SORCS1: variants seen among roughly 807,000 people sequenced by gnomAD.
SORCS1 encodes sortilin related VPS10 domain containing receptor 1.
SORCS1 carries 60 observed loss-of-function variants against 146.1 expected under a neutral mutation model. The ratio of observed to expected loss-of-function variants is 0.41; its 90% confidence interval spans 0.33 to 0.51. The LOEUF is 0.51. SORCS1 is among the 20% of genes least tolerant of loss of function. The pLI is 0.21. For synonymous variants in SORCS1, 637 were observed against 584.0 expected (o/e 1.09, Z -1.31); for missense variants, 1,352 against 1,487.6 (o/e 0.91, Z 1.50).
chr10:107,063,878 T>A (rs1183472718), intron 1 of SORCS1, among the ~76,000 whole-genome samples: 3 of 152,204 alleles, frequency 2.0e-5, no homozygotes. Context: ...ACAGTAACTC[T>A]CTGGCTGCAT....
At chr10:107,146,255 C>CGT (rs548664550) in intron 1 of SORCS1, among the ~76,000 whole-genome samples, 15 of 152,130 alleles carry the variant, frequency 9.9e-5, no homozygotes, top group Non-Finnish European at 2.1e-4. Context: ...GAATCCTAAG[C>CGT]GTTTGTCTCT....
At chr10:106,972,510 C>T (rs1955829636) in intron 1 of SORCS1, among the ~76,000 whole-genome samples, 2 of 151,682 alleles carry the variant, frequency 1.3e-5, no homozygotes, top group East Asian at 3.9e-4. Context: ...CTATCCTTTA[C>T]AGCAATATGT....
intron 2 of SORCS1, among the ~76,000 whole-genome samples, chr10:106,910,913 A>G (rs756385012): frequency 2.0e-5 from 3 of 152,246 alleles, no homozygotes; most frequent in Non-Finnish European, 4.4e-5. Context: ...AAGTAGCAAT[A>G]ACTAACATTT....
intron 20 of SORCS1, among the ~76,000 whole-genome samples, chr10:106,619,006 C>T (rs1341449554): frequency 6.6e-6 from 1 of 152,152 alleles, no homozygotes; most frequent in Non-Finnish European, 1.5e-5. Flanking sequence ...CATTTATTTC[C>T]CATCTTTTCT....
rs148603781 is a variant in SORCS1, at chr10:106,744,136, G to A, written c.960-14022C>T. ...ATTTATTTACTTGACATAGAGTCTC[G>A]CTCTGTCACCCAGGCTGGAGTGCAG... On this transcript the variant is annotated intron_variant, in intron 5 of 25. Coordinates refer to ENST00000263054, the MANE Select transcript of SORCS1 (RefSeq NM_052918.5). Among the ~76,000 whole-genome samples the A allele has an allele frequency of 1.9e-3, 285 of 151,626 alleles. 5 individuals carry two copies. The East Asian group carries it at 0.051, about 27-fold the overall frequency.
chr10:106,976,675 C>T (rs974044126), intron 1 of SORCS1, among the ~76,000 whole-genome samples: 1 of 152,110 alleles, frequency 6.6e-6, no homozygotes, highest in Non-Finnish European at 1.5e-5. Flanking sequence ...GGTATTTGTC[C>T]TAATGCTCTC....
chr10:106,863,997 G>C (rs1564748817), intron 2 of SORCS1, among the ~76,000 whole-genome samples: 1 of 152,120 alleles, frequency 6.6e-6, no homozygotes, highest in East Asian at 1.9e-4. Context: ...GCCAGTAACA[G>C]ATGCTGGAAA....
chr10:106,902,481 T>C (rs1951748114), intron 2 of SORCS1, among the ~76,000 whole-genome samples: 2 of 152,178 alleles, frequency 1.3e-5, no homozygotes, highest in Admixed American at 6.5e-5. Context: ...GTTTGAGATT[T>C]TGAAAACTAA....
intron 18 of SORCS1, among the ~76,000 whole-genome samples, chr10:106,651,360 G>T (rs969241576): frequency 7.2e-5 from 11 of 152,068 alleles, no homozygotes; most frequent in South Asian, 2.1e-4. Flanking sequence ...TGTTTTTCTT[G>T]AAGCACAATG....
chr10:106,912,305 C>T (rs1043785123), intron 2 of SORCS1, among the ~76,000 whole-genome samples: 2 of 142,308 alleles, frequency 1.4e-5, no homozygotes, highest in Non-Finnish European at 3.0e-5. Context: ...GAACATGAAA[C>T]AAAACAAAAC....
rs756340025 is a variant in SORCS1, at chr10:107,164,174, G to T, written c.353C>A (p.Ala118Glu). ...RRRSGADQEK[A>E]ERGEGASRSP... is the part of the protein sequence containing the mutation. Reference sequence around the variant, plus strand: ...CCGACTCGCGCCCTCTCCCCGTTCTGCCTTCTCCTGATCCGCTCCGCTCCG... The same window carrying T: ...CCGACTCGCGCCCTCTCCCCGTTCTTCCTTCTCCTGATCCGCTCCGCTCCG... Residue 118 changes from alanine (A) to glutamate (E), a missense_variant, in exon 1 of 26, where the codon GCA becomes GAA. Physicochemically the swap from Ala to Glu is moderately radical, Grantham distance 107. Transcript: ENST00000263054. This position sits in a 1 kb window ranked among gnomAD's most constrained non-coding sequence, Gnocchi z 6.8. 3.1e-6 allele frequency: 5 copies of T among 1,612,254 alleles called. No homozygotes were observed. The highest frequency in any genetic ancestry group is 1.3e-5 in the African/African-American group (1 of 74,900).
intron 1 of SORCS1, among the ~76,000 whole-genome samples, chr10:106,976,132 C>CAAA (rs765709439): frequency 8.3e-5 from 7 of 83,860 alleles, no homozygotes; most frequent in African/African-American, 2.6e-4. Flanking sequence ...GACTCTGTCT[C>CAAA]AAAAAAAAAA....
At chr10:106,907,644 C>T (rs961317090) in intron 2 of SORCS1, among the ~76,000 whole-genome samples, 1 of 151,878 alleles carries the variant, frequency 6.6e-6, no homozygotes, top group Non-Finnish European at 1.5e-5. Flanking sequence ...AATTATGTCA[C>T]GGTTAGGTGC....
At chr10:106,920,837 T>C (rs1952676158) in intron 2 of SORCS1, among the ~76,000 whole-genome samples, 2 of 152,166 alleles carry the variant, frequency 1.3e-5, no homozygotes, top group Non-Finnish European at 2.9e-5. Flanking sequence ...CCAGTCCAAA[T>C]AGTGGGTGGA....
intron 2 of SORCS1, among the ~76,000 whole-genome samples, chr10:106,913,806 T>A (rs568969651): frequency 6.6e-6 from 1 of 152,206 alleles, no homozygotes; most frequent in East Asian, 1.9e-4. Context: ...ACTCAGCAGG[T>A]GGCCATTGGA....
At chr10:106,627,786 T>C (rs1048080825) in intron 19 of SORCS1, among the ~76,000 whole-genome samples, 6 of 152,316 alleles carry the variant, frequency 3.9e-5, no homozygotes, top group African/African-American at 9.6e-5. Context: ...TAAAAGCTAA[T>C]GGAGACAGCT....
chr10:106,866,366 C>T (rs1051795221), intron 2 of SORCS1, among the ~76,000 whole-genome samples: 1 of 152,230 alleles, frequency 6.6e-6, no homozygotes, highest in African/African-American at 2.4e-5. Flanking sequence ...GCCCATCGCA[C>T]AGACCCGCTA....
chr10:106,788,426 C>G (rs1201144766), intron 3 of SORCS1, among the ~76,000 whole-genome samples: 3 of 152,176 alleles, frequency 2.0e-5, no homozygotes, highest in Non-Finnish European at 4.4e-5. Flanking sequence ...AATCAAGTCC[C>G]TTCTGCCTCT....
chr10:106,595,358 A>G (rs1474332970), intron 24 of SORCS1, among the ~76,000 whole-genome samples: 1 of 152,118 alleles, frequency 6.6e-6, no homozygotes, highest in Non-Finnish European at 1.5e-5. Flanking sequence ...GATGTGCCCT[A>G]CTCAATCCTC....
Sources: allele counts gnomAD v4.1 joint callset (sites outside exome capture counted in the v4.1 genomes callset), GRCh38; gene constraint gnomAD v4.1.1; non-coding constraint Gnocchi (gnomAD v3.1); transcripts MANE v1.5; gene names NCBI Gene and HGNC (gene_info 2026-07-23, HGNC 2026-07-21).